Variants in LASP1 observed in about 807,000 individuals in gnomAD.
LASP1 encodes LIM and SH3 domain protein 1.
In LASP1, 10 loss-of-function variants were observed where a neutral mutation model predicts 38.6. The observed-to-expected ratio is 0.26, with a 90% CI of 0.16 to 0.44. LASP1 has a LOEUF of 0.44. Ranked by LOEUF, LASP1 falls within the 20% of genes least tolerant of loss-of-function variation. The pLI is 1.00. For missense variants in LASP1, 243 were observed against 375.7 expected, an observed-to-expected ratio of 0.65 and a Z score of 2.92; for synonymous variants, 132 against 140.8, an observed-to-expected ratio of 0.94 and a Z score of 0.44.
intron 2 of LASP1, among the ~76,000 whole-genome samples, chr17:38,883,432 C>T (rs552852236): frequency 9.9e-5 from 15 of 152,188 alleles, no homozygotes; most frequent in East Asian, 7.7e-4. Flanking sequence ...AGGCAAACCC[C>T]GCACTGGGGC....
intron 1 of LASP1, among the ~76,000 whole-genome samples, chr17:38,876,176 CTT>C (rs899457098): frequency 7.8e-5 from 10 of 127,616 alleles, no homozygotes; most frequent in Admixed American, 1.7e-4. Flanking sequence ...GATCGTTTCT[CTT>C]TTTTTTTTTT....
intron 1 of LASP1, among the ~76,000 whole-genome samples, chr17:38,871,196 C>CT (rs1226311390): frequency 1.3e-5 from 2 of 151,862 alleles, no homozygotes; most frequent in African/African-American, 4.8e-5. Context: ...CCTGGGGGCC[C>CT]TGTCTCCCCA....
At chr17:38,885,140 C>T (rs529624392) in intron 2 of LASP1, among the ~76,000 whole-genome samples, 54 of 152,300 alleles carry the variant, frequency 3.5e-4, no homozygotes, top group African/African-American at 1.3e-3. Context: ...CATCTTTCCC[C>T]AGAACTGAGT....
chr17:38,878,228 C>A, intron 2 of LASP1, 48 bp downstream of exon 2: 2 of 1,271,154 alleles, frequency 1.6e-6, no homozygotes, highest in Non-Finnish European at 2.3e-6. Flanking sequence ...TTGGCTCCCT[C>A]CCCGAGTGAG....
chr17:38,914,819 C>T (rs1331987868), intron 5 of LASP1, among the ~76,000 whole-genome samples: 4 of 152,124 alleles, frequency 2.6e-5, no homozygotes, highest in African/African-American at 9.7e-5. Flanking sequence ...TGTACTGGGC[C>T]AAGAGGATTG....
chr17:38,907,816 G>A (rs1325619138), intron 4 of LASP1, among the ~76,000 whole-genome samples: 1 of 152,222 alleles, frequency 6.6e-6, no homozygotes, highest in Non-Finnish European at 1.5e-5. Context: ...GAATACCCAT[G>A]TGTCCATACT....
chr17:38,892,436 C>T lies in LASP1; in HGVS notation c.249+1932C>T, dbSNP rs376886825. ...CCATATTTTACAGATTCTAGCCAGG[C>T]CCTGACTCCTGCCTTCAATTCCCTG... On this transcript the variant is annotated intron_variant, in intron 3 of 6. Transcript: ENST00000318008. Among the ~76,000 whole-genome samples the T allele has an allele frequency of 3.3e-4, 51 of 152,282 alleles. 1 individual carries two copies. In the South Asian group the frequency reaches 9.7e-3, roughly 29 times the overall value.
intron 5 of LASP1, 150 bp downstream of exon 5, chr17:38,914,625 A>G: frequency 9.7e-7 from 1 of 1,030,012 alleles, no homozygotes; most frequent in Non-Finnish European, 1.4e-6. Context: ...AGAGGGGACC[A>G]GAGGACCTGA....
intron 2 of LASP1, among the ~76,000 whole-genome samples, chr17:38,878,963 C>CTCCCATCCCA (rs539274809): frequency 1.3e-5 from 2 of 151,836 alleles, no homozygotes; most frequent in African/African-American, 2.4e-5. Flanking sequence ...AATACCTCCC[C>CTCCCATCCCA]TCCCATCCCA....
chr17:38,912,754 G>T (rs1011262051), intron 4 of LASP1, among the ~76,000 whole-genome samples: 5 of 152,174 alleles, frequency 3.3e-5, no homozygotes, highest in African/African-American at 9.7e-5. Context: ...CGGTGTTCTC[G>T]TCCCACCATG....
In LASP1 at chr17:38,918,935, T is replaced by A. The variant is rs1915217937; in HGVS notation, c.*157T>A. 4 of 786,962 alleles carry A rather than the reference T, an allele frequency of 5.1e-6. No individual in the cohort carries two copies. The highest frequency in any genetic ancestry group is 8.0e-6 in the Non-Finnish European group (4 of 500,662). 48.7% of individuals were successfully genotyped at this position (786,962 alleles called of 1,614,324 possible). Reference sequence around the variant, plus strand: ...CTTCTTTTGCCAACTGAAGCCTTCTTCTGCCACTTCTGCGGGCTCCCTCCT... The same window carrying A: ...CTTCTTTTGCCAACTGAAGCCTTCTACTGCCACTTCTGCGGGCTCCCTCCT... On this transcript the variant is annotated 3_prime_UTR_variant, in exon 7 of 7. Transcript: ENST00000318008. This position sits in a 1 kb window ranked among gnomAD's most constrained non-coding sequence, Gnocchi z 4.4.
At chr17:38,895,107 A>G (rs1027593978) in intron 3 of LASP1, among the ~76,000 whole-genome samples, 1 of 152,116 alleles carries the variant, frequency 6.6e-6, no homozygotes, top group African/African-American at 2.4e-5. Flanking sequence ...GGCCCAACAC[A>G]TGGTAGGCAC....
intron 3 of LASP1, chr17:38,897,016 CTA>C: frequency 3.0e-6 from 3 of 985,526 alleles, no homozygotes; most frequent in Non-Finnish European, 3.6e-6. Context: ...GGGCCTCCCA[CTA>C]AGAGTCACCG....
chr17:38,900,877 C>T (rs78739684), intron 4 of LASP1, among the ~76,000 whole-genome samples: 6,122 of 152,244 alleles, frequency 0.04, 385 homozygotes, highest in African/African-American at 0.14. Context: ...TATGCTAGGG[C>T]CTGGCCTCAC....
intron 2 of LASP1, 121 bp from the exon 3 acceptor site, chr17:38,890,299 G>A (rs1914269725): frequency 2.4e-6 from 2 of 824,708 alleles, no homozygotes; most frequent in East Asian, 5.1e-5. Flanking sequence ...CTCCTGTGGG[G>A]CCGGGCCAGG....
At chr17:38,892,818 G>A (rs969935539) in intron 3 of LASP1, among the ~76,000 whole-genome samples, 1 of 152,214 alleles carries the variant, frequency 6.6e-6, no homozygotes, top group Non-Finnish European at 1.5e-5. Context: ...CTCTGGGTTT[G>A]GGGGCTCCTG....
chr17:38,878,472 C>T (rs756757137), intron 2 of LASP1, among the ~76,000 whole-genome samples: 1 of 152,162 alleles, frequency 6.6e-6, no homozygotes, highest in Non-Finnish European at 1.5e-5. Context: ...AGGCTCTAAC[C>T]CAATTTCGGG....
chr17:38,908,911 A>C (rs949252282), intron 4 of LASP1, among the ~76,000 whole-genome samples: 5 of 152,192 alleles, frequency 3.3e-5, no homozygotes, highest in Admixed American at 6.5e-5. Flanking sequence ...GGGATGCCCA[A>C]AGGGGACTGC....
Position 38,914,369 on chromosome 17 carries a change from C to A in LASP1, c.402C>A (p.Ser134Arg). ...EEFEKSRMGP[S>R]GGEGMEPERR... ...TTGAGAAGAGCCGCATGGGCCCTAG[C>A]GGGGGCGAGGGCATGGAGCCAGAGC... Residue 134 changes from serine to arginine, a missense_variant, in exon 5 of 7, where the codon AGC becomes AGA. This residue lies in a region of LASP1 where 165 missense variants were observed against 210.3 expected (regional missense o/e 0.78). Coordinates refer to ENST00000318008, the MANE Select transcript of LASP1 (RefSeq NM_006148.4). 1 of 1,612,004 alleles carries A rather than the reference C, an allele frequency of 6.2e-7. No homozygotes were observed. The highest frequency in any genetic ancestry group is 8.5e-7 in the Non-Finnish European group (1 of 1,179,862).
Sources: allele counts gnomAD v4.1 joint callset (sites outside exome capture counted in the v4.1 genomes callset), GRCh38; gene constraint gnomAD v4.1.1; regional missense constraint gnomAD v4.1.1; non-coding constraint Gnocchi (gnomAD v3.1); transcripts MANE v1.5; gene names NCBI Gene and HGNC (gene_info 2026-07-23, HGNC 2026-07-21).